RBP2: variants seen among roughly 807,000 people sequenced by gnomAD.
RBP2 encodes retinol-binding protein 2.
RBP2 carries 17 observed loss-of-function variants against 17.0 expected under a neutral mutation model. The observed-to-expected ratio is 1.00, with a 90% CI of 0.68 to 1.50. RBP2 has a LOEUF of 1.50. Among genes scored for constraint, RBP2 ranks in the 40% most tolerant of loss-of-function variants. The probability of loss-of-function intolerance (pLI) is 0.00; values close to 1 mark genes in which losing one functional copy is unlikely to be tolerated. For missense variants in RBP2, 158 were observed against 168.2 expected (o/e 0.94, Z 0.33); for synonymous variants, 48 against 57.1 (o/e 0.84, Z 0.72).
At chr3:139,466,120 G>T (rs1022364965) in intron 1 of RBP2, among the ~76,000 whole-genome samples, 1 of 152,170 alleles carries the variant, frequency 6.6e-6, no homozygotes, top group African/African-American at 2.4e-5. Context: ...GCTGGTTTCT[G>T]CCCTGTAGAA....
intron 2 of RBP2, among the ~76,000 whole-genome samples, chr3:139,456,638 C>A (rs1932974697): frequency 6.6e-6 from 1 of 152,270 alleles, no homozygotes. Flanking sequence ...ATGTTTCCTG[C>A]AAGGAAGTAA....
rs866353636 is a variant in RBP2, at chr3:139,454,623, G to A, written c.354+106C>T. On this transcript the variant is annotated intron_variant, in intron 3 of 3. Transcript: ENST00000232217. ...GACCACATGCATTTGGCTGGAGCTCGGGGTAGGAGTGCAGGGCCATTTTTC... is the reference window on the plus strand; with the variant it reads ...GACCACATGCATTTGGCTGGAGCTCAGGGTAGGAGTGCAGGGCCATTTTTC... 5.2e-5 allele frequency: 52 copies of A among 1,003,100 alleles called. 2 individuals are homozygous for A. In the Middle Eastern group the frequency reaches 6.9e-3, roughly 134 times the overall value. 62.1% of individuals were successfully genotyped at this position (1,003,100 alleles called of 1,614,324 possible). A position where few individuals can be genotyped will look rare whatever the true frequency, so the allele number is the denominator to read the frequency against.
chr3:139,461,538 ATT>A lies in RBP2; in HGVS notation c.252+572_252+573del, dbSNP rs10709555. On this transcript the variant is annotated intron_variant, in intron 2 of 3. Transcript: ENST00000232217. ...AATCTTGACTCCACTTAACCTACTG[ATT>A]TTTTTTTTTGTTTAATTTGGATCAT... is the stretch of plus-strand genomic sequence containing the variant. Among the ~76,000 whole-genome samples the A allele has an allele frequency of 6.6e-3, 986 of 150,160 alleles. 15 individuals carry two copies. The highest frequency in any genetic ancestry group is 0.023 in the African/African-American group (955 of 41,128).
rs570949314 is a variant in RBP2, at chr3:139,471,238, G to A, written c.73+5149C>T. Among the ~76,000 whole-genome samples the A allele has an allele frequency of 2.0e-5, 3 of 152,326 alleles. No homozygotes were observed. In the East Asian group the frequency reaches 5.8e-4, roughly 29 times the overall value. On this transcript the variant is annotated intron_variant, in intron 1 of 3. Transcript: ENST00000232217. ...ACTGAATGCACTAAAATGAAGAAAT[G>A]CATATAAAGCTCTAGTGTGATGTGT... is the stretch of plus-strand genomic sequence containing the variant.
At chr3:139,461,327 A>C (rs896320804) in intron 2 of RBP2, among the ~76,000 whole-genome samples, 5 of 151,546 alleles carry the variant, frequency 3.3e-5, no homozygotes, top group Non-Finnish European at 5.9e-5. Flanking sequence ...ATAACTCCCT[A>C]CTCCCCTCTC....
intron 2 of RBP2, among the ~76,000 whole-genome samples, chr3:139,456,762 A>T (rs1436642881): frequency 2.0e-5 from 3 of 152,138 alleles, no homozygotes; most frequent in African/African-American, 7.2e-5. Flanking sequence ...GCATGTATTC[A>T]TATTCCCAAA....
intron 2 of RBP2, among the ~76,000 whole-genome samples, chr3:139,459,800 G>T (rs989501282): frequency 2.1e-4 from 31 of 150,094 alleles, no homozygotes; most frequent in South Asian, 6.4e-4. Flanking sequence ...AACTGTCCTG[G>T]GTACTTCTCA....
chr3:139,459,400 A>ATATATATGTGTGTGTGTG lies in RBP2; in HGVS notation c.252+2711_252+2712insCACACACACACATATATA, dbSNP rs111417242. ...GTGAAACCCTGTTTCTACTATATAT[A>ATATATATGTGTGTGTGTG]TGTGTGTGTGTGTGTGTGTGTGTGT... On this transcript the variant is annotated intron_variant, in intron 2 of 3. Transcript: ENST00000232217. Among the ~76,000 whole-genome samples, 246 of 128,552 alleles carry ATATATATGTGTGTGTGTG rather than the reference A, an allele frequency of 1.9e-3. 8 individuals are homozygous for ATATATATGTGTGTGTGTG. In the East Asian group the frequency reaches 0.045, roughly 23 times the overall value. The allele number at this position is 128,552 out of a possible 152,430, so 84.3% of individuals were successfully genotyped here. A position where few individuals can be genotyped will look rare whatever the true frequency, so the allele number is the denominator to read the frequency against.
intron 1 of RBP2, among the ~76,000 whole-genome samples, chr3:139,476,101 G>A (rs1933729472): frequency 6.6e-6 from 1 of 152,134 alleles, no homozygotes; most frequent in Non-Finnish European, 1.5e-5. Flanking sequence ...GCTTTACTCT[G>A]TTGTGTGTGT....
Position 139,454,811 on chromosome 3 carries a change from C to T in RBP2, c.272G>A (p.Gly91Asp). The change falls in exon 3 of 4, where the codon GGT (glycine) becomes GAT (aspartate). Residue 91 changes from glycine (G) to aspartate (D), a missense_variant. Transcript: ENST00000232217. ...CTTTTGCACACACACAAGGACATCACCTTCCCAGGTGACCAGTGCCTGTAA... is the reference window on the plus strand; with the variant it reads ...CTTTTGCACACACACAAGGACATCATCTTCCCAGGTGACCAGTGCCTGTAA... ...RHVKALVTWE[G>D]DVLVCVQKGE... 1.9e-6 allele frequency: 3 copies of T among 1,614,192 alleles called. No homozygotes were observed. The highest frequency in any genetic ancestry group is 1.7e-6 in the Non-Finnish European group (2 of 1,180,012).
At chr3:139,465,759 A>T (rs1469829507) in intron 1 of RBP2, among the ~76,000 whole-genome samples, 1 of 152,130 alleles carries the variant, frequency 6.6e-6, no homozygotes, top group Non-Finnish European at 1.5e-5. Context: ...ACCAAATGGC[A>T]ATTGTTTTCT....
intron 1 of RBP2, among the ~76,000 whole-genome samples, chr3:139,472,892 C>T (rs1933612060): frequency 6.6e-6 from 1 of 152,218 alleles, no homozygotes; most frequent in Admixed American, 6.5e-5. Flanking sequence ...TCAGATGGCA[C>T]AGTCCCTGGC....
rs778180981 is a variant in RBP2 at position 139,476,445 on chromosome 3, C to T, written c.15G>A (p.Gln5=). The T allele has an allele frequency of 7.3e-5, 118 of 1,613,896 alleles. No individual in the cohort carries two copies. The highest frequency in any genetic ancestry group is 4.4e-5 in the South Asian group (4 of 91,064). The change falls in exon 1 of 4, where the codon CAG becomes CAA. Residue 5 remains glutamine (Q), a synonymous_variant. Coordinates refer to ENST00000232217, the MANE Select transcript of RBP2 (RefSeq NM_004164.3). MTRD[Q]NGTWEMESNE... is the part of the protein sequence containing the mutation. ...TACTCTCCATCTCCCAGGTTCCATT[C>T]TGGTCCCTTGTCATGGTGGTGGCCA...
intron 1 of RBP2, among the ~76,000 whole-genome samples, chr3:139,475,197 G>T (rs899997227): frequency 7.9e-5 from 12 of 151,732 alleles, no homozygotes; most frequent in Non-Finnish European, 1.6e-4. Context: ...GCGGGTGCCT[G>T]TAGTCCCAGC....
intron 1 of RBP2, among the ~76,000 whole-genome samples, chr3:139,464,362 G>A (rs529198582): frequency 2.6e-5 from 4 of 152,272 alleles, no homozygotes; most frequent in African/African-American, 7.2e-5. Flanking sequence ...GGAGGCTGAG[G>A]CGGGAGAATC....
At chr3:139,470,118 T>C (rs192636845) in intron 1 of RBP2, among the ~76,000 whole-genome samples, 5 of 152,278 alleles carry the variant, frequency 3.3e-5, no homozygotes, top group African/African-American at 1.2e-4. Context: ...GTGTAACATA[T>C]CTGAAACCAA....
chr3:139,462,020 T>G, intron 2 of RBP2, 92 bp downstream of exon 2: 4 of 1,362,714 alleles, frequency 2.9e-6, no homozygotes, highest in Non-Finnish European at 4.1e-6. Flanking sequence ...TTTTCCCAGG[T>G]TGTTTCTAAT....
chr3:139,463,468 G>A (rs529237633), intron 1 of RBP2, among the ~76,000 whole-genome samples: 16 of 152,354 alleles, frequency 1.1e-4, no homozygotes, highest in South Asian at 2.1e-4. Flanking sequence ...TTACAGGCAT[G>A]AGCCACTGTG....
At chr3:139,473,159 AAG>A (rs1161773273) in intron 1 of RBP2, among the ~76,000 whole-genome samples, 5 of 152,234 alleles carry the variant, frequency 3.3e-5, no homozygotes, top group Non-Finnish European at 7.3e-5. Flanking sequence ...ACTGTCAAGA[AAG>A]AATCTGGGGT....
Sources: gnomAD v4.1 joint callset for allele counts (sites outside exome capture counted in the v4.1 genomes callset) on GRCh38, gnomAD v4.1.1 for gene constraint, MANE v1.5 for transcripts, NCBI Gene and HGNC (gene_info 2026-07-23, HGNC 2026-07-21) for gene names.